The following ARIH1 variants were observed in gnomAD, a reference collection of about 807,000 sequenced individuals.
ARIH1 encodes ariadne RBR E3 ubiquitin protein ligase 1.
Under a neutral mutation model 85.0 loss-of-function variants are expected in ARIH1, and 8 were observed. The observed-to-expected ratio is 0.09, with a 90% CI of 0.06 to 0.17. The LOEUF (loss-of-function observed/expected upper bound fraction) is 0.17. Among genes scored for constraint, ARIH1 ranks in the 10% least tolerant of loss-of-function variants. The pLI is 1.00. For missense variants in ARIH1, 311 were observed against 718.1 expected, an observed-to-expected ratio of 0.43 and a Z score of 6.48; for synonymous variants, 238 against 253.6, an observed-to-expected ratio of 0.94 and a Z score of 0.59.
intron 2 of ARIH1, among the ~76,000 whole-genome samples, chr15:72,541,547 TACTTA>T (rs2064107595): frequency 1.3e-5 from 2 of 152,308 alleles, no homozygotes; most frequent in African/African-American, 2.4e-5. Context: ...TTAATGATTG[TACTTA>T]ACTTGAAAAA....
At chr15:72,526,083 T>G (rs909539417) in intron 2 of ARIH1, among the ~76,000 whole-genome samples, 4 of 152,212 alleles carry the variant, frequency 2.6e-5, no homozygotes, top group South Asian at 2.1e-4. Flanking sequence ...AACATCGTAT[T>G]TTTTAAAAAT....
At chr15:72,476,991 T>C (rs1319667092) in intron 1 of ARIH1, among the ~76,000 whole-genome samples, 1 of 152,250 alleles carries the variant, frequency 6.6e-6, no homozygotes, top group Non-Finnish European at 1.5e-5. Context: ...TTCTGGCTTT[T>C]ATAAATATTG....
chr15:72,536,868 G>GT (rs1251549095), intron 2 of ARIH1, among the ~76,000 whole-genome samples: 2 of 151,884 alleles, frequency 1.3e-5, no homozygotes, highest in Non-Finnish European at 1.5e-5. Context: ...TTACAATGCT[G>GT]TTTTTTTAGG....
intron 2 of ARIH1, among the ~76,000 whole-genome samples, chr15:72,521,633 C>T (rs191352691): frequency 6.6e-6 from 1 of 152,080 alleles, no homozygotes; most frequent in Non-Finnish European, 1.5e-5. Context: ...ACTGCAACCT[C>T]CGCCTTGTGA....
chr15:72,555,112 G>A (rs2064169452), intron 3 of ARIH1, among the ~76,000 whole-genome samples, 159 bp from the exon 4 acceptor site: 5 of 152,128 alleles, frequency 3.3e-5, no homozygotes, highest in Admixed American at 3.3e-4. Flanking sequence ...TGCATGTCTA[G>A]ATTCACCATG....
At chr15:72,551,724 G>T (rs907592894) in intron 3 of ARIH1, among the ~76,000 whole-genome samples, 2 of 152,004 alleles carry the variant, frequency 1.3e-5, no homozygotes, top group Admixed American at 1.3e-4. Context: ...AATTAAAGTG[G>T]GGGAAAAGAT....
chr15:72,549,296 C>T (rs1177157970), intron 3 of ARIH1, among the ~76,000 whole-genome samples: 1 of 152,076 alleles, frequency 6.6e-6, no homozygotes, highest in Non-Finnish European at 1.5e-5. Context: ...CCATGTTGTC[C>T]AGGCTGGTCT....
chr15:72,520,723 T>C (rs1041114153), intron 2 of ARIH1, among the ~76,000 whole-genome samples: 2 of 152,230 alleles, frequency 1.3e-5, no homozygotes, highest in African/African-American at 4.8e-5. Context: ...TATAAAAGTT[T>C]CTAACAATAT....
At chr15:72,510,769 A>AAAAAAC (rs2063947395) in intron 1 of ARIH1, among the ~76,000 whole-genome samples, 1 of 133,302 alleles carries the variant, frequency 7.5e-6, no homozygotes, top group Non-Finnish European at 1.6e-5. Flanking sequence ...AAAAAAAAAA[A>AAAAAAC]AGACTTTTTC....
intron 1 of ARIH1, 176 bp downstream of exon 1, chr15:72,475,190 C>T: frequency 7.6e-7 from 1 of 1,319,158 alleles, no homozygotes; most frequent in Non-Finnish European, 9.8e-7. Context: ...CAGAGGTTCG[C>T]CGATTAGCCG....
Position 72,601,078 on chromosome 15 carries a change from A to T in ARIH1, c.*17786A>T, listed in dbSNP as rs1362899679. The T allele has an allele frequency of 6.6e-6, 1 of 152,074 alleles. No homozygotes were observed. Among genetic ancestry groups the T allele is most frequent in the East Asian group, 1.9e-4 (1 of 5,188 alleles). 9.4% of individuals were successfully genotyped at this position (152,074 alleles called of 1,614,324 possible). A position where few individuals can be genotyped will look rare whatever the true frequency, so the allele number is the denominator to read the frequency against. The stretch of plus-strand genomic sequence containing the variant: ...TTTAACATCCATTTCCCTTTCCCTC[A>T]TTCCCCCATATCCAATCATGTGTAT... On this transcript the variant is annotated 3_prime_UTR_variant, in exon 14 of 14. Transcript: ENST00000379887.
At chr15:72,547,699 A>G (rs1459547367) in intron 3 of ARIH1, among the ~76,000 whole-genome samples, 1 of 152,200 alleles carries the variant, frequency 6.6e-6, no homozygotes, top group Non-Finnish European at 1.5e-5. Flanking sequence ...ATTGTCTTTA[A>G]CAGATTCTCC....
At chr15:72,481,535 A>C (rs999010329) in intron 1 of ARIH1, among the ~76,000 whole-genome samples, 2 of 152,062 alleles carry the variant, frequency 1.3e-5, no homozygotes, top group African/African-American at 4.8e-5. Context: ...ATGGTGAAAC[A>C]CTAGCTGGGC....
intron 12 of ARIH1, chr15:72,581,580 T>C (rs1321143851): frequency 1.3e-5 from 2 of 159,970 alleles, no homozygotes; most frequent in African/African-American, 4.8e-5. Flanking sequence ...TTGATATCTG[T>C]ATATGACTAG....
intron 2 of ARIH1, among the ~76,000 whole-genome samples, chr15:72,539,553 C>T (rs573644504): frequency 6.6e-6 from 1 of 152,088 alleles, no homozygotes; most frequent in Admixed American, 6.5e-5. Context: ...GTCTGGAAGA[C>T]AGGAAAAGGA....
chr15:72,563,212 G>A (rs1319350451), intron 6 of ARIH1, among the ~76,000 whole-genome samples, 182 bp from the exon 7 acceptor site: 1 of 152,016 alleles, frequency 6.6e-6, no homozygotes, highest in African/African-American at 2.4e-5. Flanking sequence ...CACCATGCCT[G>A]GCTAAATTCT....
chr15:72,581,375 G>A (rs1229029148), intron 12 of ARIH1: 3 of 173,080 alleles, frequency 1.7e-5, no homozygotes, highest in African/African-American at 4.8e-5. Flanking sequence ...GAGACAATTT[G>A]TGTTAATTGC....
intron 1 of ARIH1, among the ~76,000 whole-genome samples, chr15:72,516,767 A>G (rs1360608308): frequency 6.6e-6 from 1 of 152,224 alleles, no homozygotes; most frequent in African/African-American, 2.4e-5. Context: ...CATTTCTTTC[A>G]TGACACTATT....
In ARIH1 at chr15:72,587,264, C is replaced by G. The variant is rs774874333; in HGVS notation, c.*3972C>G. ...TTGTATCATATTTTGTTATTCTGGT[C>G]ACAGAATGACCTAGTATTCTGTACC... is the stretch of plus-strand genomic sequence containing the variant. On this transcript the variant is annotated 3_prime_UTR_variant, in exon 14 of 14. Coordinates refer to ENST00000379887, the MANE Select transcript of ARIH1 (RefSeq NM_005744.5). 12 of 528,776 alleles carry G rather than the reference C, an allele frequency of 2.3e-5. No individual in the cohort carries two copies. Among genetic ancestry groups the G allele is most frequent in the Middle Eastern group, 6.7e-4 (2 of 2,970 alleles). 32.8% of individuals were successfully genotyped at this position (528,776 alleles called of 1,614,324 possible). A position where few individuals can be genotyped will look rare whatever the true frequency, so the allele number is the denominator to read the frequency against.
Sources: gnomAD v4.1 joint callset for allele counts (sites outside exome capture counted in the v4.1 genomes callset) on GRCh38, gnomAD v4.1.1 for gene constraint, MANE v1.5 for transcripts, NCBI Gene and HGNC (gene_info 2026-07-23, HGNC 2026-07-21) for gene names.